Variants in MFSD1 observed in about 807,000 individuals in gnomAD.
MFSD1 encodes the protein lysosomal dipeptide transporter MFSD1.
MFSD1 carries 59 observed loss-of-function variants against 67.1 expected under a neutral mutation model. The ratio of observed to expected loss-of-function variants is 0.88; its 90% CI spans 0.71 to 1.09. The LOEUF is 1.09. Ranked by LOEUF, MFSD1 falls within the 50% of genes least tolerant of loss-of-function variation. MFSD1 has a pLI of 0.00. For synonymous variants in MFSD1, 213 were observed against 200.3 expected, an observed-to-expected ratio of 1.06 and a Z score of -0.54; for missense variants, 552 against 566.1, an observed-to-expected ratio of 0.97 and a Z score of 0.25.
intron 7 of MFSD1, among the ~76,000 whole-genome samples, chr3:158,818,704 G>A (rs1215936862): frequency 1.1e-4 from 16 of 152,158 alleles, no homozygotes; most frequent in Admixed American, 1.0e-3. Context: ...AAGCAGGCAA[G>A]CATATTTAAA....
At position 158,819,669 on chromosome 3, in the gene MFSD1, T is replaced by C. The variant is rs758717316; in HGVS notation, c.673T>C (p.Ser225Pro). 4 of 1,587,978 alleles carry C rather than the reference T, an allele frequency of 2.5e-6. No homozygotes were observed. The highest frequency in any genetic ancestry group is 1.1e-5 in the South Asian group (1 of 89,102). Residue 225 changes from serine (S) to proline (P), a missense_variant, in exon 8 of 16, where the codon TCA (serine) becomes CCA (proline). Physicochemically the swap from Ser to Pro is moderately conservative, Grantham distance 74 (BLOSUM62 -1). Transcript: ENST00000415822. ...TTTAGGGGGTATAACGTGTATTCTT[T>C]CACTAATCTGTGCCTTGGCTCTTGC... Reference protein sequence around the residue: ...LMIGGITCILSLICALALAYL... With the variant: ...LMIGGITCILPLICALALAYL...
chr3:158,802,119 C>A lies in MFSD1; in HGVS notation c.-34C>A. The A allele has an allele frequency of 1.2e-6, 2 of 1,608,802 alleles. No homozygotes were observed. Among genetic ancestry groups the A allele is most frequent in the Non-Finnish European group, 1.7e-6 (2 of 1,178,718 alleles). The stretch of plus-strand genomic sequence containing the variant: ...GCTTCCTGCCTGGGTTTGGAGTTGT[C>A]ACCACTTTCCCCTCTCCGTCTCCTG... On this transcript the variant is annotated 5_prime_UTR_variant, in exon 1 of 16. Coordinates refer to ENST00000415822, the MANE Select transcript of MFSD1 (RefSeq NM_022736.4).
Position 158,806,037 on chromosome 3 carries a change from A to G in MFSD1, c.329+563A>G, listed in dbSNP as rs1729709497. Among the ~76,000 whole-genome samples the G allele has an allele frequency of 3.9e-5, 6 of 152,298 alleles. No homozygotes were observed. The South Asian group carries it at 1.0e-3, about 26-fold the overall frequency. On this transcript the variant is annotated intron_variant, in intron 3 of 15. Transcript: ENST00000415822. Reference sequence around the variant, plus strand: ...AACACTATAAGGTTTGCCACTGTTCATCCTTATTATTGTGTGTATGTTGTT... The same window carrying G: ...AACACTATAAGGTTTGCCACTGTTCGTCCTTATTATTGTGTGTATGTTGTT...
chr3:158,828,480 A>T (rs1731127874), intron 15 of MFSD1, among the ~76,000 whole-genome samples: 2 of 152,092 alleles, frequency 1.3e-5, no homozygotes, highest in East Asian at 3.8e-4. Flanking sequence ...ATTATGTTAA[A>T]AGTTTGGAAA....
chr3:158,824,248 G>A lies in MFSD1; in HGVS notation c.1288+12G>A, dbSNP rs557456706. ...TGCCTGTGTTTCTTGTGAGTATTCC[G>A]TATGACAACATTTTGTTTCTTTTAC... On this transcript the variant is annotated intron_variant, in intron 13 of 15. Coordinates refer to ENST00000415822, the MANE Select transcript of MFSD1 (RefSeq NM_022736.4). The A allele has an allele frequency of 2.7e-5, 42 of 1,544,682 alleles. No homozygotes were observed. The highest frequency in any genetic ancestry group is 1.7e-4 in the Middle Eastern group (1 of 5,838).
intron 7 of MFSD1, among the ~76,000 whole-genome samples, chr3:158,816,441 A>C (rs1730350060): frequency 6.6e-6 from 1 of 152,202 alleles, no homozygotes; most frequent in Non-Finnish European, 1.5e-5. Flanking sequence ...TTTTGGCTGC[A>C]TAAATGTCTT....
At chr3:158,811,729 A>C (rs1469828318) in intron 6 of MFSD1, among the ~76,000 whole-genome samples, 1 of 152,234 alleles carries the variant, frequency 6.6e-6, no homozygotes, top group African/African-American at 2.4e-5. Flanking sequence ...AAGACTGAGA[A>C]GTGTACATGC....
chr3:158,826,020 C>G lies in MFSD1; in HGVS notation c.1294C>G (p.Leu432Val). The change falls in exon 14 of 16, where the codon CTT becomes GTT. Residue 432 changes from leucine (L) to valine (V), a missense_variant. Coordinates refer to ENST00000415822, the MANE Select transcript of MFSD1 (RefSeq NM_022736.4). ...VFFIACVSLS[L>V]LSVVLLYLVN... ...CTATGTTTTTTCACTCCTAGTGTCA[C>G]TTTTATCTGTGGTCTTACTCTATTT... The G allele has an allele frequency of 1.2e-6, 2 of 1,613,186 alleles. No homozygotes were observed. Among genetic ancestry groups the G allele is most frequent in the East Asian group, 4.5e-5 (2 of 44,864 alleles).
Position 158,826,053 on chromosome 3 carries a change from C to T in MFSD1, c.1327C>T (p.Arg443Cys), listed in dbSNP as rs745622550. Residue 443 changes from arginine (R) to cysteine (C), a missense_variant, in exon 14 of 16, where the codon CGT becomes TGT. Transcript: ENST00000415822. ...LSVVLLYLVNRAQGGNLNYSA... is the reference protein window; with the variant it reads ...LSVVLLYLVNCAQGGNLNYSA... ...TGTGGTCTTACTCTATTTGGTGAAT[C>T]GTGCCCAGGGTAAGTAGAAGATCTG... 26 of 1,613,396 alleles carry T rather than the reference C, an allele frequency of 1.6e-5. No homozygotes were observed. The highest frequency in any genetic ancestry group is 1.7e-4 in the Middle Eastern group (1 of 6,044).
intron 7 of MFSD1, 164 bp from the exon 8 acceptor site, chr3:158,819,485 C>A (rs1004470954): frequency 1.2e-5 from 6 of 481,874 alleles, no homozygotes; most frequent in Non-Finnish European, 2.2e-5. Context: ...ATGTACTCTT[C>A]CTCTTTTGTC....
intron 13 of MFSD1, 153 bp downstream of exon 13, chr3:158,824,389 G>A (rs912127128): frequency 5.4e-5 from 33 of 616,254 alleles, no homozygotes; most frequent in Non-Finnish European, 6.9e-5. Flanking sequence ...AGATTCACAG[G>A]CATTTTTTAG....
At chr3:158,820,535 C>A (rs1302195295) in intron 9 of MFSD1, among the ~76,000 whole-genome samples, 1 of 152,070 alleles carries the variant, frequency 6.6e-6, no homozygotes, top group Admixed American at 6.6e-5. Context: ...TGAAGAAATA[C>A]CTGTATTACT....
intron 6 of MFSD1, among the ~76,000 whole-genome samples, chr3:158,810,871 A>G (rs1229770997): frequency 6.6e-6 from 1 of 152,194 alleles, no homozygotes; most frequent in Non-Finnish European, 1.5e-5. Flanking sequence ...AATTTTGCCT[A>G]TAAGGATATT....
At chr3:158,821,778 C>A in intron 10 of MFSD1, 125 bp downstream of exon 10, 1 of 970,582 alleles carries the variant, frequency 1.0e-6, no homozygotes, top group South Asian at 1.6e-5. Flanking sequence ...ACTGGGACTA[C>A]ATTGGGACTT....
At position 158,804,381 on chromosome 3, in the gene MFSD1, T is replaced by C. The variant is rs192810993; in HGVS notation, c.216+10T>C. The C allele has an allele frequency of 7.2e-5, 115 of 1,607,290 alleles. 1 individual carries two copies. The East Asian group carries it at 2.3e-3, about 32-fold the overall frequency. On this transcript the variant is annotated intron_variant, in intron 2 of 15. Transcript: ENST00000415822. ...GACTCAAGTTAAACGAGTAAGTTGA[T>C]TTTTCACTCTTGTTTCTTTTGTTTT...
intron 10 of MFSD1, 26 bp downstream of exon 10, chr3:158,821,679 G>C (rs1287073792): frequency 6.4e-7 from 1 of 1,562,590 alleles, no homozygotes; most frequent in African/African-American, 1.4e-5. Context: ...TTTTGTAAGT[G>C]CCTATTGCAT....
In MFSD1 at chr3:158,822,044, AG is replaced by A; in HGVS notation, c.984del (p.Lys329ArgfsTer10). 1 of 1,613,990 alleles carries A rather than the reference AG, an allele frequency of 6.2e-7. No individual in the cohort carries two copies. The highest frequency in any genetic ancestry group is 1.1e-5 in the South Asian group (1 of 91,076). On this transcript the variant is annotated frameshift_variant, in exon 11 of 16. Transcript: ENST00000415822. LOFTEE classifies it high-confidence loss of function. ...PVFGLLVDKT[G>X]KNIIWVLCAV... ...TGTTTGGGCTCCTGGTGGATAAAAC[AG>A]GGAAGAACATCATCTGGGTTCTTTG...
chr3:158,820,442 C>A, intron 9 of MFSD1, 116 bp downstream of exon 9: 1 of 676,506 alleles, frequency 1.5e-6, no homozygotes, highest in Non-Finnish European at 2.6e-6. Flanking sequence ...TTTATATTTT[C>A]ACAGGAATTA....
chr3:158,802,257 C>T lies in MFSD1; in HGVS notation c.105C>T (p.Asp35=), dbSNP rs1729489190. The change falls in exon 1 of 16, where the codon GAC becomes GAT. Residue 35 remains aspartate, a synonymous_variant. Coordinates refer to ENST00000415822, the MANE Select transcript of MFSD1 (RefSeq NM_022736.4). The part of the protein sequence containing the change: ...AAPGALPALC[D]PSRLAHRLLV... ...CTGGAGCCCTGCCGGCCCTCTGCGA[C>T]CCCAGTCGCCTGGCGCACCGGCTTT... The T allele has an allele frequency of 6.2e-7, 1 of 1,611,462 alleles. No individual in the cohort carries two copies. Among genetic ancestry groups the T allele is most frequent in the Non-Finnish European group, 8.5e-7 (1 of 1,178,692 alleles).
Sources: allele counts gnomAD v4.1 joint callset (sites outside exome capture counted in the v4.1 genomes callset), GRCh38; gene constraint gnomAD v4.1.1; transcripts MANE v1.5; gene names NCBI Gene and HGNC (gene_info 2026-07-23, HGNC 2026-07-21).